The following OXR1 variants were observed in gnomAD, a reference collection of about 807,000 sequenced individuals.
OXR1 encodes oxidation resistance protein 1.
A neutral mutation model predicts 104.6 loss-of-function variants in OXR1; 41 were observed. That is an observed-to-expected ratio of 0.39 (90% CI 0.31 to 0.51). The LOEUF is 0.51. OXR1 is among the 20% of genes least tolerant of loss of function. The pLI is 0.77. For synonymous variants in OXR1, 348 were observed against 348.4 expected, an observed-to-expected ratio of 1.00 and a Z score of 0.01; for missense variants, 955 against 1,031.9, an observed-to-expected ratio of 0.93 and a Z score of 1.02.
intron 3 of OXR1, among the ~76,000 whole-genome samples, chr8:106,659,459 A>G (rs904371783): frequency 6.6e-6 from 1 of 152,234 alleles, no homozygotes; most frequent in African/African-American, 2.4e-5. Context: ...GGAGGGGAAT[A>G]CTTTTGTTTC....
chr8:106,577,538 C>G (rs373738412), intron 3 of OXR1, among the ~76,000 whole-genome samples: 1 of 151,748 alleles, frequency 6.6e-6, no homozygotes, highest in Admixed American at 6.6e-5. Flanking sequence ...TACAGGTGCC[C>G]GCCACCACGC....
At chr8:106,662,886 G>C (rs912005312) in intron 3 of OXR1, among the ~76,000 whole-genome samples, 2 of 151,638 alleles carry the variant, frequency 1.3e-5, no homozygotes, top group African/African-American at 4.8e-5. Context: ...GATACTTGTA[G>C]TAATAACAGA....
At chr8:106,739,837 T>G (rs546759820) in intron 13 of OXR1, among the ~76,000 whole-genome samples, 150 of 133,886 alleles carry the variant, frequency 1.1e-3, no homozygotes, top group Non-Finnish European at 2.0e-3. Context: ...GATTATTTCA[T>G]GTAGTTGTTA....
intron 3 of OXR1, among the ~76,000 whole-genome samples, chr8:106,594,932 TG>T (rs34171425): frequency 0.11 from 17,122 of 152,282 alleles, 1,317 homozygotes; most frequent in East Asian, 0.33. Context: ...AGGCAGCTCT[TG>T]TTTAGCTCTG....
chr8:106,716,362 C>T lies in OXR1; in HGVS notation c.1956+2377C>T, dbSNP rs1832251977. On this transcript the variant is annotated intron_variant, in intron 11 of 16. Transcript: ENST00000517566. ...ACTGGAGGCCGGGCGCGGTGGCTCA[C>T]GCCTGTAATCCCAGCACTTTGGGAG... Among the ~76,000 whole-genome samples the T allele has an allele frequency of 1.1e-4, 3 of 26,276 alleles. 1 individual carries two copies. Among genetic ancestry groups the T allele is most frequent in the Non-Finnish European group, 1.5e-4 (2 of 13,398 alleles). The allele number at this position is 26,276 out of a possible 152,430, so 17.2% of individuals were successfully genotyped here.
At chr8:106,699,969 T>C (rs1241089401) in intron 7 of OXR1, among the ~76,000 whole-genome samples, 3 of 152,196 alleles carry the variant, frequency 2.0e-5, no homozygotes, top group Admixed American at 6.5e-5. Flanking sequence ...TTCCCAATTA[T>C]AATGATTTTA....
At chr8:106,354,860 A>C (rs564829968) in intron 1 of OXR1, among the ~76,000 whole-genome samples, 5 of 152,124 alleles carry the variant, frequency 3.3e-5, no homozygotes, top group Non-Finnish European at 7.4e-5. Context: ...AATTACAACT[A>C]AACGAATTTA....
intron 3 of OXR1, among the ~76,000 whole-genome samples, chr8:106,623,734 G>A (rs574061972): frequency 2.6e-5 from 4 of 152,300 alleles, no homozygotes; most frequent in Non-Finnish European, 4.4e-5. Flanking sequence ...TGCTATAGAG[G>A]ATGGGACTTA....
chr8:106,668,183 A>C (rs1826548048), intron 3 of OXR1, among the ~76,000 whole-genome samples: 1 of 151,990 alleles, frequency 6.6e-6, no homozygotes, highest in South Asian at 2.1e-4. Flanking sequence ...TTTATAACTT[A>C]TTATTGTTCT....
intron 3 of OXR1, among the ~76,000 whole-genome samples, chr8:106,553,614 C>T (rs942432384): frequency 6.6e-6 from 1 of 152,148 alleles, no homozygotes; most frequent in Non-Finnish European, 1.5e-5. Context: ...GCCACCATGT[C>T]CAGCTGCAAT....
intron 3 of OXR1, among the ~76,000 whole-genome samples, chr8:106,567,489 A>G (rs900019413): frequency 2.6e-5 from 4 of 152,026 alleles, no homozygotes; most frequent in African/African-American, 9.7e-5. Flanking sequence ...TTTTAGCCTC[A>G]TCTGTTTACA....
At chr8:106,651,727 T>C (rs1412210960) in intron 3 of OXR1, among the ~76,000 whole-genome samples, 1 of 152,176 alleles carries the variant, frequency 6.6e-6, no homozygotes, top group African/African-American at 2.4e-5. Context: ...TTTTTAAATA[T>C]TGTGTTGGTT....
intron 3 of OXR1, among the ~76,000 whole-genome samples, chr8:106,529,211 T>C (rs1813910832): frequency 6.6e-6 from 1 of 152,210 alleles, no homozygotes; most frequent in South Asian, 2.1e-4. Context: ...TTTGGTTCAT[T>C]TGTGGATTAA....
intron 1 of OXR1, among the ~76,000 whole-genome samples, chr8:106,342,915 A>C (rs561270602): frequency 2.6e-5 from 4 of 152,138 alleles, no homozygotes; most frequent in Admixed American, 2.0e-4. Flanking sequence ...CTCTAAATCT[A>C]TCAGCTTCTT....
At chr8:106,602,276 G>T (rs1820030745) in intron 3 of OXR1, among the ~76,000 whole-genome samples, 1 of 152,220 alleles carries the variant, frequency 6.6e-6, no homozygotes, top group Admixed American at 6.5e-5. Context: ...CAAAGGGAAT[G>T]ACATGATTTT....
chr8:106,589,386 T>G (rs1818906249), intron 3 of OXR1, among the ~76,000 whole-genome samples: 1 of 151,936 alleles, frequency 6.6e-6, no homozygotes, highest in African/African-American at 2.4e-5. Flanking sequence ...ACATTTATTT[T>G]TATGCCTTTC....
chr8:106,544,544 A>T lies in OXR1; in HGVS notation c.220+25405A>T, dbSNP rs549924796. Among the ~76,000 whole-genome samples the T allele has an allele frequency of 3.3e-5, 5 of 152,354 alleles. No homozygotes were observed. The East Asian group carries it at 7.7e-4, about 23-fold the overall frequency. ...AACATCAGTGAAAAGAGCTGTAGGGAAAAGAGCAATGCTCTTCTTGTGATG... is the reference window on the plus strand; with the variant it reads ...AACATCAGTGAAAAGAGCTGTAGGGTAAAGAGCAATGCTCTTCTTGTGATG... On this transcript the variant is annotated intron_variant, in intron 3 of 16. Coordinates refer to ENST00000517566, the MANE Select transcript of OXR1 (RefSeq NM_001198533.2).
chr8:106,735,415 T>C lies in OXR1; in HGVS notation c.1957-2105T>C, dbSNP rs188693481. Among the ~76,000 whole-genome samples the C allele has an allele frequency of 3.4e-3, 515 of 152,286 alleles. 2 individuals carry two copies. Among genetic ancestry groups the C allele is most frequent in the Non-Finnish European group, 5.8e-3 (392 of 67,988 alleles). On this transcript the variant is annotated intron_variant, in intron 11 of 16. Transcript: ENST00000517566. Reference sequence around the variant, plus strand: ...ATAAGCTTAGCCTTATGGCGATTTATTGTTCTCTTATTAGTAACTCCTACT... The same window carrying C: ...ATAAGCTTAGCCTTATGGCGATTTACTGTTCTCTTATTAGTAACTCCTACT...
intron 2 of OXR1, among the ~76,000 whole-genome samples, chr8:106,399,877 G>A (rs1817930927): frequency 6.6e-6 from 1 of 152,124 alleles, no homozygotes; most frequent in Non-Finnish European, 1.5e-5. Context: ...CTGTCTCTAT[G>A]ATAAGATAAA....
Sources: gnomAD v4.1 joint callset for allele counts (sites outside exome capture counted in the v4.1 genomes callset) on GRCh38, gnomAD v4.1.1 for gene constraint, MANE v1.5 for transcripts, NCBI Gene and HGNC (gene_info 2026-07-23, HGNC 2026-07-21) for gene names.